Variants in CDK7 observed in about 807,000 individuals in gnomAD.
CDK7 encodes cyclin dependent kinase 7, also known as cyclin-dependent kinase 7.
CDK7 carries 25 observed loss-of-function variants against 49.1 expected under a neutral mutation model. The observed-to-expected ratio is 0.51, with a 90% CI of 0.37 to 0.71. The LOEUF (loss-of-function observed/expected upper bound fraction) is 0.71, where lower values mean the gene tolerates loss of function less well. Ranked by LOEUF, CDK7 falls within the 30% of genes least tolerant of loss-of-function variation. The pLI, the probability that CDK7 is intolerant of heterozygous loss-of-function variation, is 0.00. For missense variants in CDK7, 316 were observed against 411.7 expected, an observed-to-expected ratio of 0.77 and a Z score of 2.01; for synonymous variants, 107 against 140.0, an observed-to-expected ratio of 0.76 and a Z score of 1.67.
At chr5:69,235,081 C>A (rs1466369649) in intron 1 of CDK7, 40 bp downstream of exon 1, 2 of 1,553,334 alleles carry the variant, frequency 1.3e-6, no homozygotes, top group South Asian at 2.3e-5. Flanking sequence ...CCCAAGCGGA[C>A]AGCCCCGCGC....
intron 10 of CDK7, among the ~76,000 whole-genome samples, chr5:69,275,113 A>T (rs1411026933): frequency 6.6e-6 from 1 of 151,922 alleles, no homozygotes; most frequent in Non-Finnish European, 1.5e-5. Context: ...GTCATTTAGG[A>T]TATAATTATT....
intron 9 of CDK7, among the ~76,000 whole-genome samples, chr5:69,270,629 T>G (rs543568759): frequency 6.6e-6 from 1 of 152,354 alleles, no homozygotes; most frequent in South Asian, 2.1e-4. Context: ...TCCTTCTACC[T>G]ACTCCTTAAC....
At chr5:69,267,292 CTTTTTTTTTTTTTTTTT>C (rs71612523) in intron 8 of CDK7, among the ~76,000 whole-genome samples, 1 of 91,076 alleles carries the variant, frequency 1.1e-5, no homozygotes, top group East Asian at 3.3e-4. Flanking sequence ...ATAAGGATTC[CTTTTTTTTTTTTTTTTT>C]TTTTTTTTTT....
intron 8 of CDK7, among the ~76,000 whole-genome samples, chr5:69,266,015 T>C (rs372331417): frequency 5.3e-5 from 8 of 151,780 alleles, no homozygotes; most frequent in South Asian, 2.1e-4. Flanking sequence ...TTGAGCCTGG[T>C]TGTCAAGGCT....
intron 4 of CDK7, 75 bp downstream of exon 4, chr5:69,254,744 T>C: frequency 1.2e-6 from 1 of 812,570 alleles, no homozygotes; most frequent in Non-Finnish European, 2.1e-6. Flanking sequence ...GATTAAAGGC[T>C]CAGCAAGATG....
intron 2 of CDK7, among the ~76,000 whole-genome samples, chr5:69,246,931 C>T (rs985030444): frequency 1.3e-5 from 2 of 152,000 alleles, no homozygotes; most frequent in African/African-American, 4.8e-5. Flanking sequence ...TTATTGATTT[C>T]TGGTTTTATC....
At chr5:69,276,509 C>T (rs771934474) in intron 10 of CDK7, 34 bp from the exon 11 acceptor site, 2 of 1,602,620 alleles carry the variant, frequency 1.2e-6, no homozygotes, top group South Asian at 1.1e-5. Context: ...CAGATACTCA[C>T]CTACCTTACT....
Position 69,235,465 on chromosome 5 carries a change from T to TG in CDK7, c.126+12_126+13insG, listed in dbSNP as rs1748904283. On this transcript the variant is annotated intron_variant, in intron 2 of 11. Transcript: ENST00000256443. ...TCGCCATTAAGAAAGTGAGTTACCT[T>TG]TTTATGTTGTTTTTAAGTCTCCTTG... is the stretch of plus-strand genomic sequence containing the variant. 6.4e-7 allele frequency: 1 copy of TG among 1,556,478 alleles called. No individual in the cohort carries two copies. Among genetic ancestry groups the TG allele is most frequent in the Non-Finnish European group, 8.9e-7 (1 of 1,128,484 alleles).
At chr5:69,276,984 T>C (rs918588197) in intron 11 of CDK7, 123 bp from the exon 12 acceptor site, 23 of 829,244 alleles carry the variant, frequency 2.8e-5, no homozygotes, top group Non-Finnish European at 4.4e-5. Context: ...CAAGTGCTAC[T>C]GGAAAAAATG....
chr5:69,253,645 A>G (rs1750292610), intron 3 of CDK7, among the ~76,000 whole-genome samples: 2 of 152,250 alleles, frequency 1.3e-5, no homozygotes, highest in South Asian at 2.1e-4. Context: ...CACAAACAAT[A>G]TGCCACTAAT....
intron 10 of CDK7, 118 bp from the exon 11 acceptor site, chr5:69,276,425 G>A: frequency 1.2e-6 from 1 of 802,562 alleles, no homozygotes; most frequent in Non-Finnish European, 2.1e-6. Flanking sequence ...TTGTTTTGTT[G>A]GGAATGAGGG....
Position 69,276,645 on chromosome 5 carries a change from C to A in CDK7, c.967C>A (p.Pro323Thr), listed in dbSNP as rs1413749534. 2 of 1,614,002 alleles carry A rather than the reference C, an allele frequency of 1.2e-6. No individual in the cohort carries two copies. The highest frequency in any genetic ancestry group is 1.6e-4 in the Middle Eastern group (1 of 6,062). ...GGAAACCTTAAAGGAGCAATCAAAT[C>A]CAGCTTTGGCAATAAAAAGGAAAAG... is the stretch of plus-strand genomic sequence containing the variant. ...PVETLKEQSN[P>T]ALAIKRKRTE... The change falls in exon 11 of 12, where the codon CCA becomes ACA. Residue 323 changes from proline (P) to threonine (T), a missense_variant. Pro to Thr is a conservative substitution (Grantham distance 38). Transcript: ENST00000256443.
At chr5:69,243,038 C>T (rs974267058) in intron 2 of CDK7, among the ~76,000 whole-genome samples, 5 of 152,076 alleles carry the variant, frequency 3.3e-5, no homozygotes, top group African/African-American at 1.2e-4. Flanking sequence ...AGAGCAAAAA[C>T]TGTGTCTCAA....
In CDK7 at chr5:69,262,442, G is replaced by A. The variant is rs1580322107; in HGVS notation, c.627+138G>A. 3.7e-6 allele frequency: 4 copies of A among 1,087,660 alleles called. No homozygotes were observed. The South Asian group carries it at 5.7e-5, about 16-fold the overall frequency. 67.4% of individuals were successfully genotyped at this position (1,087,660 alleles called of 1,614,324 possible). ...CCAGCACTTTGGGAGGCCGAGGCAGGTGGATCACTTGAGGTCAGGAGTTCG... is the reference window on the plus strand; with the variant it reads ...CCAGCACTTTGGGAGGCCGAGGCAGATGGATCACTTGAGGTCAGGAGTTCG... On this transcript the variant is annotated intron_variant, in intron 8 of 11. Transcript: ENST00000256443.
intron 8 of CDK7, among the ~76,000 whole-genome samples, chr5:69,268,282 T>C (rs1580335659): frequency 6.6e-6 from 1 of 152,164 alleles, no homozygotes; most frequent in South Asian, 2.1e-4. Flanking sequence ...TGTTTATGTG[T>C]ATCAGCACTG....
At chr5:69,268,135 A>G (rs900850899) in intron 8 of CDK7, among the ~76,000 whole-genome samples, 1 of 151,936 alleles carries the variant, frequency 6.6e-6, no homozygotes, top group African/African-American at 2.4e-5. Flanking sequence ...TGATTTTTCT[A>G]TGTTTGGTAG....
chr5:69,271,925 G>GT (rs1186288425), intron 9 of CDK7, among the ~76,000 whole-genome samples: 2 of 146,032 alleles, frequency 1.4e-5, no homozygotes, highest in Non-Finnish European at 3.0e-5. Context: ...GCAAGGTTCA[G>GT]TTTTTGTTTT....
intron 8 of CDK7, among the ~76,000 whole-genome samples, chr5:69,266,227 G>A (rs915666194): frequency 6.6e-6 from 1 of 152,202 alleles, no homozygotes; most frequent in African/African-American, 2.4e-5. Flanking sequence ...CTGGTGCAGA[G>A]ACAGCACAGG....
chr5:69,272,255 C>G (rs1751637348), intron 9 of CDK7, among the ~76,000 whole-genome samples: 2 of 152,168 alleles, frequency 1.3e-5, no homozygotes, highest in African/African-American at 4.8e-5. Flanking sequence ...GTATCTCTCT[C>G]TCTGCCAATA....
Sources: gnomAD v4.1 joint callset for allele counts (sites outside exome capture counted in the v4.1 genomes callset) on GRCh38, gnomAD v4.1.1 for gene constraint, MANE v1.5 for transcripts, NCBI Gene and HGNC (gene_info 2026-07-23, HGNC 2026-07-21) for gene names.